ESRRG: variants seen among roughly 807,000 people sequenced by gnomAD.
The protein encoded by ESRRG is estrogen related receptor gamma, also known as estrogen-related receptor gamma.
ESRRG carries 13 observed loss-of-function variants against 44.0 expected under a neutral mutation model. The ratio of observed to expected loss-of-function variants is 0.30; its 90% CI spans 0.19 to 0.47. The LOEUF (loss-of-function observed/expected upper bound fraction) is 0.47, where lower values mean the gene tolerates loss of function less well. ESRRG is among the 20% of genes least tolerant of loss of function. ESRRG has a pLI of 1.00. For missense variants in ESRRG, 395 were observed against 580.6 expected (o/e 0.68, Z 3.29); for synonymous variants, 215 against 214.6 (o/e 1.00, Z -0.02).
chr1:216,595,946 T>C (rs942585775), intron 3 of ESRRG, among the ~76,000 whole-genome samples: 2 of 152,234 alleles, frequency 1.3e-5, no homozygotes, highest in African/African-American at 4.8e-5. Flanking sequence ...ATTGCCATGT[T>C]TCATATGCAT....
At chr1:216,962,793 T>A (rs2069395097) in intron 1 of ESRRG, among the ~76,000 whole-genome samples, 1 of 152,056 alleles carries the variant, frequency 6.6e-6, no homozygotes, top group Non-Finnish European at 1.5e-5. Flanking sequence ...CAGAGAAAAC[T>A]TAGAGCTCAG....
chr1:216,663,955 C>T (rs2073214851), intron 2 of ESRRG, among the ~76,000 whole-genome samples: 1 of 152,090 alleles, frequency 6.6e-6, no homozygotes, highest in Non-Finnish European at 1.5e-5. Context: ...AAGAGTTGCG[C>T]TCTCAAGCTT....
chr1:217,096,018 C>T (rs2092418247), intron 1 of ESRRG, among the ~76,000 whole-genome samples: 1 of 152,146 alleles, frequency 6.6e-6, no homozygotes, highest in African/African-American at 2.4e-5. Flanking sequence ...ATGTAAATGA[C>T]TTAGGAGAGT....
intron 2 of ESRRG, among the ~76,000 whole-genome samples, chr1:216,858,811 A>G (rs2096000296): frequency 6.6e-6 from 1 of 152,152 alleles, no homozygotes; most frequent in South Asian, 2.1e-4. Context: ...CCCATTCTTA[A>G]GGTGACTTTC....
intron 1 of ESRRG, among the ~76,000 whole-genome samples, chr1:216,952,870 A>G (rs554054569): frequency 6.6e-6 from 1 of 152,180 alleles, no homozygotes; most frequent in East Asian, 1.9e-4. Flanking sequence ...AAGAGTCATC[A>G]ATTTTCTACA....
intron 2 of ESRRG, among the ~76,000 whole-genome samples, chr1:216,921,238 G>A (rs1023133768): frequency 1.3e-5 from 2 of 152,148 alleles, no homozygotes; most frequent in East Asian, 3.9e-4. Flanking sequence ...TAGAAGCGTG[G>A]AGGAGTAAGA....
chr1:216,684,136 T>C (rs531544705), intron 1 of ESRRG, among the ~76,000 whole-genome samples: 1 of 152,208 alleles, frequency 6.6e-6, no homozygotes, highest in African/African-American at 2.4e-5. Flanking sequence ...CACAGCAGCA[T>C]CCCATTTTAC....
chr1:216,519,610 A>G (rs769819888), intron 5 of ESRRG, among the ~76,000 whole-genome samples, 189 bp from the exon 6 acceptor site: 17 of 152,068 alleles, frequency 1.1e-4, no homozygotes, highest in South Asian at 2.1e-4. Context: ...AGCTTCTTCA[A>G]TTTGTGGGTA....
chr1:216,917,213 T>C (rs2061305281), intron 2 of ESRRG, among the ~76,000 whole-genome samples: 1 of 150,214 alleles, frequency 6.7e-6, no homozygotes, highest in African/African-American at 2.5e-5. Flanking sequence ...AGAAGTGAAA[T>C]CTGCCAGGTC....
At chr1:216,571,398 G>A (rs1227609746) in intron 3 of ESRRG, among the ~76,000 whole-genome samples, 3 of 152,008 alleles carry the variant, frequency 2.0e-5, no homozygotes, top group Non-Finnish European at 4.4e-5. Context: ...AACCAAGATC[G>A]CACCATTGCA....
chr1:216,893,990 T>C (rs1014344743), intron 2 of ESRRG, among the ~76,000 whole-genome samples: 1 of 152,160 alleles, frequency 6.6e-6, no homozygotes, highest in African/African-American at 2.4e-5. Context: ...AAACAACACA[T>C]TATTCAATGA....
At chr1:216,948,865 A>G (rs2576197) in intron 1 of ESRRG, among the ~76,000 whole-genome samples, 125,845 of 152,072 alleles carry the variant, frequency 0.83, 52,422 homozygotes, top group Middle Eastern at 0.91. Context: ...AAGTCCCTGG[A>G]TTTCCTGCCT....
At chr1:216,561,316 C>T (rs964508146) in intron 5 of ESRRG, among the ~76,000 whole-genome samples, 6 of 151,722 alleles carry the variant, frequency 4.0e-5, no homozygotes, top group Admixed American at 1.3e-4. Context: ...TTATACAAAC[C>T]GAGAACAGCA....
chr1:217,026,591 A>T (rs1237595208), intron 1 of ESRRG, among the ~76,000 whole-genome samples: 1 of 152,146 alleles, frequency 6.6e-6, no homozygotes, highest in African/African-American at 2.4e-5. Context: ...ACATGTGGCT[A>T]TCCGCTTGTG....
intron 3 of ESRRG, among the ~76,000 whole-genome samples, chr1:216,612,097 T>A (rs779989859): frequency 2.6e-5 from 4 of 152,106 alleles, no homozygotes; most frequent in Non-Finnish European, 5.9e-5. Flanking sequence ...ACCAAAGATA[T>A]ATAGACTAGT....
intron 2 of ESRRG, among the ~76,000 whole-genome samples, chr1:216,750,711 G>A (rs758618455): frequency 9.2e-5 from 14 of 151,814 alleles, no homozygotes; most frequent in African/African-American, 2.9e-4. Context: ...GCCACCACCC[G>A]AAGAAGAACA....
chr1:216,526,524 C>T (rs187683124), intron 5 of ESRRG, among the ~76,000 whole-genome samples: 1 of 152,234 alleles, frequency 6.6e-6, no homozygotes, highest in Admixed American at 6.5e-5. Flanking sequence ...GCAGAAGGAA[C>T]CCAAACCTCC....
At chr1:216,589,263 G>A (rs540042853) in intron 3 of ESRRG, among the ~76,000 whole-genome samples, 2 of 152,210 alleles carry the variant, frequency 1.3e-5, no homozygotes, top group Admixed American at 6.5e-5. Flanking sequence ...AAGCTTATCC[G>A]ACCCACAAGT....
intron 2 of ESRRG, among the ~76,000 whole-genome samples, chr1:216,669,136 G>A (rs2074621683): frequency 6.6e-6 from 1 of 151,832 alleles, no homozygotes; most frequent in Non-Finnish European, 1.5e-5. Flanking sequence ...ATGGAACAGA[G>A]AAGGCATGTG....
Sources: allele counts gnomAD v4.1 joint callset (sites outside exome capture counted in the v4.1 genomes callset), GRCh38; gene constraint gnomAD v4.1.1; transcripts MANE v1.5; gene names NCBI Gene and HGNC (gene_info 2026-07-23, HGNC 2026-07-21).